Variants in IRAG1 observed in about 807,000 individuals in gnomAD.
IRAG1 encodes the protein inositol 1,4,5-triphosphate receptor associated 1.
Under a neutral mutation model 106.2 loss-of-function variants are expected in IRAG1, and 62 were observed. The ratio of observed to expected loss-of-function variants is 0.58; its 90% CI spans 0.48 to 0.72. The LOEUF is 0.72. IRAG1 is among the 30% of genes least tolerant of loss of function. IRAG1 has a pLI of 0.00. For synonymous variants in IRAG1, 462 were observed against 443.9 expected, an observed-to-expected ratio of 1.04 and a Z score of -0.51; for missense variants, 1,064 against 1,140.7, an observed-to-expected ratio of 0.93 and a Z score of 0.97.
intron 9 of IRAG1, 73 bp downstream of exon 9, chr11:10,625,893 C>A: frequency 7.7e-7 from 1 of 1,306,626 alleles, no homozygotes; most frequent in Non-Finnish European, 9.8e-7. Context: ...GGGGCCCAGA[C>A]TCAGCCCTGA....
chr11:10,600,780 C>T, intron 15 of IRAG1, 138 bp downstream of exon 15: 1 of 1,165,320 alleles, frequency 8.6e-7, no homozygotes. Context: ...CTGGGAGGCC[C>T]CTGTGGGCAG....
At chr11:10,611,529 G>A (rs902676568) in intron 10 of IRAG1, 9 of 152,036 alleles carry the variant, frequency 5.9e-5, no homozygotes, top group African/African-American at 2.2e-4. Context: ...CAGAATTGGT[G>A]GATTCTAGGA....
chr11:10,621,208 T>G (rs2134510088), intron 10 of IRAG1, among the ~76,000 whole-genome samples: 1 of 152,334 alleles, frequency 6.6e-6, no homozygotes, highest in African/African-American at 2.4e-5. Flanking sequence ...TTATTTAAAA[T>G]ATTTTGCCCT....
chr11:10,648,059 A>G (rs550501857), intron 2 of IRAG1, among the ~76,000 whole-genome samples: 1 of 152,130 alleles, frequency 6.6e-6, no homozygotes, highest in Non-Finnish European at 1.5e-5. Flanking sequence ...TTTTCATTAT[A>G]GAAATATTCC....
Position 10,693,742 on chromosome 11 carries a change from C to CG in IRAG1, c.-141dup. The CG allele has an allele frequency of 9.8e-7, 1 of 1,019,892 alleles. No individual in the cohort carries two copies. Among genetic ancestry groups the CG allele is most frequent in the Non-Finnish European group, 1.4e-6 (1 of 708,640 alleles). The allele number at this position is 1,019,892 out of a possible 1,614,324, so 63.2% of individuals were successfully genotyped here. The stretch of plus-strand genomic sequence containing the variant: ...CTGGGAGCCCCACTCCGGCCTGGCT[C>CG]GGGGGATAATGGCAGGGAAAGCCGA... On this transcript the variant is annotated 5_prime_UTR_variant, in exon 1 of 21. Transcript: ENST00000423302.
intron 1 of IRAG1, among the ~76,000 whole-genome samples, chr11:10,688,928 G>A (rs1861858447): frequency 6.6e-6 from 1 of 152,144 alleles, no homozygotes; most frequent in South Asian, 2.1e-4. Context: ...CCAGTTTCCT[G>A]ATCTGTATAA....
rs1859699572 is a variant in IRAG1, at chr11:10,665,244, G to T, written c.68-13062C>A. ...GAATATCACCATGCCCTTTTCCTCA[G>T]AACCTGTTCCTCTTTCTGCATTCCC... On this transcript the variant is annotated intron_variant, in intron 1 of 20. Transcript: ENST00000423302. The surrounding 1 kb of genome is among the most constrained non-coding windows in gnomAD (Gnocchi z 4.2). Among the ~76,000 whole-genome samples the T allele has an allele frequency of 6.6e-6, 1 of 152,092 alleles. No homozygotes were observed. Among genetic ancestry groups the T allele is most frequent in the African/African-American group, 2.4e-5 (1 of 41,416 alleles).
rs2134202330 is a variant in IRAG1, at chr11:10,591,561, C to T, written c.2227G>A (p.Ala743Thr). ...CGACAAACTTACTTTTCCAAAAGTG[C>T]AGGCAGTGCTGAAGTGACAGGTAGG... ...GSLPVTSALP[A>T]LLENGKTNGD... Residue 743 changes from alanine (A) to threonine (T), a missense_variant, in exon 18 of 21, where the codon GCA (alanine) becomes ACA (threonine). By Grantham distance (58) the Ala-to-Thr change is moderately conservative. Coordinates refer to ENST00000423302, the MANE Select transcript of IRAG1 (RefSeq NM_130385.4). The T allele has an allele frequency of 6.3e-7, 1 of 1,596,078 alleles. No homozygotes were observed. Among genetic ancestry groups the T allele is most frequent in the Non-Finnish European group, 8.5e-7 (1 of 1,171,228 alleles).
chr11:10,692,631 ATTT>A (rs1326674321), intron 1 of IRAG1, among the ~76,000 whole-genome samples: 2 of 152,066 alleles, frequency 1.3e-5, no homozygotes, highest in East Asian at 3.9e-4. Context: ...CTCAGACCAG[ATTT>A]ACTTCCCTGT....
chr11:10,678,213 T>C (rs1394035555), intron 1 of IRAG1, among the ~76,000 whole-genome samples: 1 of 152,206 alleles, frequency 6.6e-6, no homozygotes, highest in Non-Finnish European at 1.5e-5. Flanking sequence ...ATGGGTCATA[T>C]GGAAATTTTA....
chr11:10,629,680 A>G lies in IRAG1; in HGVS notation c.432T>C (p.Asn144=). The change falls in exon 5 of 21, where the codon AAT becomes AAC. Residue 144 remains asparagine (N), a synonymous_variant. Coordinates refer to ENST00000423302, the MANE Select transcript of IRAG1 (RefSeq NM_130385.4). ...DPAGHIIDLV[N]DQLPDISISE... ...AGATGCTGATGTCTGGCAGCTGGTC[A>G]TTCACCAGGTCAATGATGTGCCCCG... 1 of 1,613,844 alleles carries G rather than the reference A, an allele frequency of 6.2e-7. No homozygotes were observed. The highest frequency in any genetic ancestry group is 1.7e-5 in the Admixed American group (1 of 60,000).
chr11:10,650,519 C>A (rs1288283871), intron 2 of IRAG1, among the ~76,000 whole-genome samples: 3 of 152,090 alleles, frequency 2.0e-5, no homozygotes, highest in African/African-American at 7.2e-5. Context: ...TAGAAGGGGC[C>A]AGGGATGGCC....
chr11:10,690,210 C>G (rs1434133049), intron 1 of IRAG1: 3 of 347,378 alleles, frequency 8.6e-6, no homozygotes, highest in Non-Finnish European at 1.6e-5. Flanking sequence ...GGCAACATGA[C>G]AAAACTCCAT....
At position 10,628,423 on chromosome 11, in the gene IRAG1, G is replaced by T. The variant is rs1039591240; in HGVS notation, c.652+328C>A. Among the ~76,000 whole-genome samples, 1 of 152,146 alleles carries T rather than the reference G, an allele frequency of 6.6e-6. No individual in the cohort carries two copies. The highest frequency in any genetic ancestry group is 2.4e-5 in the African/African-American group (1 of 41,428). ...AGGGAAGAAGTCAGACCCCAAAGAG[G>T]CCTTTCTGTATAAGCTCTTGAGGGC... is the stretch of plus-strand genomic sequence containing the variant. On this transcript the variant is annotated intron_variant, in intron 6 of 20. Transcript: ENST00000423302. This position sits in a 1 kb window ranked among gnomAD's most constrained non-coding sequence, Gnocchi z 4.1.
chr11:10,691,162 G>GCA (rs1401407969), intron 1 of IRAG1, among the ~76,000 whole-genome samples: 2 of 152,132 alleles, frequency 1.3e-5, no homozygotes, highest in African/African-American at 4.8e-5. Flanking sequence ...TGATCATCAG[G>GCA]CACATGTACA....
At chr11:10,682,887 A>G (rs1488462896) in intron 1 of IRAG1, among the ~76,000 whole-genome samples, 1 of 152,088 alleles carries the variant, frequency 6.6e-6, no homozygotes, top group African/African-American at 2.4e-5. Context: ...TGACTGATTG[A>G]CCCTGATCCA....
chr11:10,634,083 G>C lies in IRAG1; in HGVS notation c.226-12C>G, dbSNP rs1297756551. 6.4e-7 allele frequency: 1 copy of C among 1,562,502 alleles called. No individual in the cohort carries two copies. The highest frequency in any genetic ancestry group is 1.1e-5 in the South Asian group (1 of 87,108). On this transcript the variant is annotated splice_polypyrimidine_tract_variant and intron_variant, in intron 2 of 20. Coordinates refer to ENST00000423302, the MANE Select transcript of IRAG1 (RefSeq NM_130385.4). ...GCGGCAGGAGGACCCTGCCGGTTTAGAACAAAAACACAGAGTTAGGCTTGG... is the reference window on the plus strand; with the variant it reads ...GCGGCAGGAGGACCCTGCCGGTTTACAACAAAAACACAGAGTTAGGCTTGG...
intron 1 of IRAG1, among the ~76,000 whole-genome samples, chr11:10,686,010 A>G (rs1296810906): frequency 6.6e-6 from 1 of 152,184 alleles, no homozygotes; most frequent in East Asian, 1.9e-4. Context: ...TGTCTTAGGT[A>G]AGAAGCCCAG....
At chr11:10,640,963 C>T (rs527658630) in intron 2 of IRAG1, among the ~76,000 whole-genome samples, 2 of 152,292 alleles carry the variant, frequency 1.3e-5, no homozygotes, top group East Asian at 3.9e-4. Context: ...GCACAGGATG[C>T]CCCAGTTATA....
Sources: gnomAD v4.1 joint callset for allele counts (sites outside exome capture counted in the v4.1 genomes callset) on GRCh38, gnomAD v4.1.1 for gene constraint, Gnocchi (gnomAD v3.1) non-coding constraint, MANE v1.5 for transcripts, NCBI Gene and HGNC (gene_info 2026-07-23, HGNC 2026-07-21) for gene names.